RGS17: variants seen among roughly 807,000 people sequenced by gnomAD.
RGS17 encodes the protein regulator of G-protein signaling 17.
A neutral mutation model predicts 25.5 loss-of-function variants in RGS17; 12 were observed. The ratio of observed to expected loss-of-function variants is 0.47; its 90% CI spans 0.30 to 0.76. The LOEUF (loss-of-function observed/expected upper bound fraction) is 0.76. Ranked by LOEUF, RGS17 falls within the 30% of genes least tolerant of loss-of-function variation. RGS17 has a pLI of 0.07. For missense variants in RGS17, 196 were observed against 242.2 expected (o/e 0.81, Z 1.27); for synonymous variants, 71 against 76.9 (o/e 0.92, Z 0.40).
Position 153,005,637 on chromosome 6 carries a change from A to T in RGS17, c.*5937T>A, listed in dbSNP as rs1458540853. 6.6e-6 allele frequency: 1 copy of T among 152,206 alleles called. No individual in the cohort carries two copies. The highest frequency in any genetic ancestry group is 1.5e-5 in the Non-Finnish European group (1 of 68,052). The allele number at this position is 152,206 out of a possible 1,614,324, so 9.4% of individuals were successfully genotyped here. On this transcript the variant is annotated 3_prime_UTR_variant, in exon 5 of 5. Transcript: ENST00000206262. Reference sequence around the variant, plus strand: ...TGGCACTTTACCGTTGTGTTCTTTCAAAAACCAAAAACCTGTGTCTAGTCA... The same window carrying T: ...TGGCACTTTACCGTTGTGTTCTTTCTAAAACCAAAAACCTGTGTCTAGTCA...
intron 2 of RGS17, among the ~76,000 whole-genome samples, chr6:153,032,030 A>T (rs1779368906): frequency 6.6e-6 from 1 of 152,226 alleles, no homozygotes; most frequent in South Asian, 2.1e-4. Flanking sequence ...ATTAGCAAAG[A>T]TAACTTCAGG....
chr6:153,123,561 A>G (rs1777667386), intron 1 of RGS17, among the ~76,000 whole-genome samples: 1 of 152,178 alleles, frequency 6.6e-6, no homozygotes, highest in Non-Finnish European at 1.5e-5. Flanking sequence ...AAATTGCCCT[A>G]GTGATTTTAA....
chr6:153,111,716 C>T (rs1447700223), intron 1 of RGS17, among the ~76,000 whole-genome samples: 1 of 152,282 alleles, frequency 6.6e-6, no homozygotes, highest in Non-Finnish European at 1.5e-5. Flanking sequence ...TGGTGGGTGC[C>T]CCTCTGGGAC....
chr6:153,081,457 C>T (rs955473006), intron 1 of RGS17, among the ~76,000 whole-genome samples: 8 of 151,886 alleles, frequency 5.3e-5, no homozygotes, highest in Non-Finnish European at 1.2e-4. Flanking sequence ...CCTACTTGTA[C>T]CTTATATTTT....
At chr6:153,088,558 C>T (rs113171597) in intron 1 of RGS17, among the ~76,000 whole-genome samples, 6 of 151,948 alleles carry the variant, frequency 3.9e-5, no homozygotes, top group Non-Finnish European at 2.9e-5. Flanking sequence ...ATTTTATAAG[C>T]GAGATATTTG....
chr6:153,120,531 G>A (rs761071248), intron 1 of RGS17, among the ~76,000 whole-genome samples: 22 of 152,040 alleles, frequency 1.4e-4, no homozygotes, highest in Non-Finnish European at 2.2e-4. Context: ...TCTCTCACCT[G>A]GACAGCTGAA....
chr6:153,092,962 T>G (rs977177611), intron 1 of RGS17, among the ~76,000 whole-genome samples: 3 of 152,118 alleles, frequency 2.0e-5, no homozygotes, highest in African/African-American at 7.2e-5. Flanking sequence ...TTACTCAATT[T>G]CCACGCTTCC....
At chr6:153,043,029 C>T (rs1344028265) in intron 2 of RGS17, among the ~76,000 whole-genome samples, 1 of 152,244 alleles carries the variant, frequency 6.6e-6, no homozygotes, top group African/African-American at 2.4e-5. Flanking sequence ...AAGGAAAGTT[C>T]CATGAAGTCT....
At chr6:153,104,589 T>C (rs1366376074) in intron 1 of RGS17, among the ~76,000 whole-genome samples, 1 of 152,232 alleles carries the variant, frequency 6.6e-6, no homozygotes, top group African/African-American at 2.4e-5. Flanking sequence ...ATTTATTCAA[T>C]AAACATTTAC....
intron 1 of RGS17, among the ~76,000 whole-genome samples, chr6:153,064,626 T>C (rs778589517): frequency 2.8e-5 from 4 of 140,860 alleles, no homozygotes; most frequent in Non-Finnish European, 4.7e-5. Flanking sequence ...CAAGACTACA[T>C]CTCAAAAAAA....
intron 1 of RGS17, among the ~76,000 whole-genome samples, chr6:153,082,423 T>A (rs1161451423): frequency 6.6e-6 from 1 of 152,204 alleles, no homozygotes; most frequent in African/African-American, 2.4e-5. Context: ...TTAAGCTGGA[T>A]AAATTCTATC....
At chr6:153,093,432 G>A (rs78284238) in intron 1 of RGS17, among the ~76,000 whole-genome samples, 1,571 of 152,280 alleles carry the variant, frequency 0.01, 31 homozygotes, top group African/African-American at 0.036. Context: ...TATAGTCTTG[G>A]TTTGGTTCAT....
intron 1 of RGS17, among the ~76,000 whole-genome samples, chr6:153,050,108 ACCT>A (rs1776441942): frequency 6.6e-6 from 1 of 152,144 alleles, no homozygotes. Context: ...AAAAAATTAC[ACCT>A]CCAAGTGATA....
At chr6:153,046,580 G>A (rs1776387264) in intron 1 of RGS17, among the ~76,000 whole-genome samples, 2 of 152,022 alleles carry the variant, frequency 1.3e-5, no homozygotes, top group Non-Finnish European at 2.9e-5. Flanking sequence ...TAACGGGAAT[G>A]TAAAAACAAA....
intron 1 of RGS17, among the ~76,000 whole-genome samples, chr6:153,118,808 C>T (rs1172534637): frequency 6.6e-6 from 1 of 152,140 alleles, no homozygotes; most frequent in Non-Finnish European, 1.5e-5. Flanking sequence ...CTTGATCTTA[C>T]TCACCCTTTC....
intron 1 of RGS17, among the ~76,000 whole-genome samples, chr6:153,120,849 TTTC>T: frequency 2.2e-5 from 1 of 45,708 alleles, no homozygotes; most frequent in African/African-American, 8.5e-5. Context: ...TGGAGACACC[TTTC>T]TTTGTCTGTC....
intron 1 of RGS17, among the ~76,000 whole-genome samples, chr6:153,082,929 C>G (rs1244411005): frequency 6.6e-6 from 1 of 152,150 alleles, no homozygotes; most frequent in African/African-American, 2.4e-5. Flanking sequence ...CTGACCCCAC[C>G]AGAGTCCATA....
At position 153,130,398 on chromosome 6, in the gene RGS17, C is replaced by T. The variant is rs1438416445; in HGVS notation, c.-26+726G>A. Among the ~76,000 whole-genome samples the T allele has an allele frequency of 1.3e-5, 2 of 151,920 alleles. No homozygotes were observed. The highest frequency in any genetic ancestry group is 3.9e-4 in the East Asian group (2 of 5,118). On this transcript the variant is annotated intron_variant, in intron 1 of 4. Coordinates refer to ENST00000206262, the MANE Select transcript of RGS17 (RefSeq NM_012419.5). The surrounding 1 kb of genome is among the most constrained non-coding windows in gnomAD (Gnocchi z 6.4). ...GGTGGCTGTGGAATCCACCCCGCGC[C>T]GCACACGCCAGGACTCCCTTTCCTT...
chr6:153,071,171 CAT>C (rs548773881), intron 1 of RGS17, among the ~76,000 whole-genome samples: 6 of 149,634 alleles, frequency 4.0e-5, no homozygotes, highest in African/African-American at 9.7e-5. Context: ...TACACACACT[CAT>C]ATATATCTTA....
Sources: gnomAD v4.1 joint callset for allele counts (sites outside exome capture counted in the v4.1 genomes callset) on GRCh38, gnomAD v4.1.1 for gene constraint, Gnocchi (gnomAD v3.1) non-coding constraint, MANE v1.5 for transcripts, NCBI Gene and HGNC (gene_info 2026-07-23, HGNC 2026-07-21) for gene names.